The following ASCC3 variants were observed in gnomAD, a reference collection of about 807,000 sequenced individuals.
The protein encoded by ASCC3 is activating signal cointegrator 1 complex subunit 3, also known as ASC-1 complex subunit P200.
A neutral mutation model predicts 256.3 loss-of-function variants in ASCC3; 158 were observed. The observed-to-expected ratio is 0.62, with a 90% CI of 0.54 to 0.70. The LOEUF is 0.70. ASCC3 is among the 30% of genes least tolerant of loss of function. The pLI, the probability that ASCC3 is intolerant of heterozygous loss-of-function variation, is 0.00. For synonymous variants in ASCC3, 948 were observed against 883.4 expected, an observed-to-expected ratio of 1.07 and a Z score of -1.30; for missense variants, 2,259 against 2,626.0, an observed-to-expected ratio of 0.86 and a Z score of 3.05.
intron 16 of ASCC3, among the ~76,000 whole-genome samples, chr6:100,659,363 T>C (rs1166620869): frequency 6.6e-6 from 1 of 151,502 alleles, no homozygotes; most frequent in Non-Finnish European, 1.5e-5. Flanking sequence ...AGAGTTTGTT[T>C]CCTTAACAGG....
intron 4 of ASCC3, among the ~76,000 whole-genome samples, chr6:100,821,108 C>G (rs1771016982): frequency 6.6e-6 from 1 of 152,152 alleles, no homozygotes; most frequent in South Asian, 2.1e-4. Flanking sequence ...TGGCTCACTA[C>G]AGCCTGGAAT....
intron 21 of ASCC3, 62 bp from the exon 22 acceptor site, chr6:100,646,831 C>T (rs2114902897): frequency 6.6e-7 from 1 of 1,513,334 alleles, no homozygotes; most frequent in East Asian, 2.3e-5. Context: ...TATAATCTGA[C>T]TTGTAAATGG....
chr6:100,574,686 A>C (rs1000539782), intron 36 of ASCC3, among the ~76,000 whole-genome samples: 1 of 150,926 alleles, frequency 6.6e-6, no homozygotes. Flanking sequence ...AAAAGTAATT[A>C]AGAAAAAAAA....
intron 13 of ASCC3, among the ~76,000 whole-genome samples, chr6:100,695,789 T>C (rs750841826): frequency 7.2e-5 from 11 of 152,148 alleles, no homozygotes; most frequent in Admixed American, 2.0e-4. Context: ...CAGAGTTTCA[T>C]AATTTTGGAG....
At chr6:100,576,126 A>G (rs1451468246) in intron 36 of ASCC3, among the ~76,000 whole-genome samples, 1 of 152,078 alleles carries the variant, frequency 6.6e-6, no homozygotes. Context: ...TCAATGGAGC[A>G]AGACAGATGT....
intron 3 of ASCC3, chr6:100,858,337 A>G (rs2114531119): frequency 3.2e-6 from 1 of 315,716 alleles, no homozygotes; most frequent in South Asian, 1.3e-4. Flanking sequence ...ATATTATGTT[A>G]GCAAGGATTT....
intron 4 of ASCC3, among the ~76,000 whole-genome samples, chr6:100,837,883 ATTT>A (rs899094862): frequency 1.4e-4 from 21 of 152,204 alleles, no homozygotes; most frequent in Admixed American, 5.2e-4. Context: ...GGAAAAGAGG[ATTT>A]TTAATGTAAA....
intron 37 of ASCC3, chr6:100,531,048 T>C (rs528455041): frequency 6.4e-7 from 1 of 1,565,352 alleles, no homozygotes; most frequent in Non-Finnish European, 8.8e-7. Context: ...AGTACAACAG[T>C]GTAGCACTAA....
chr6:100,707,382 A>C lies in ASCC3; in HGVS notation c.2151+8080T>G, dbSNP rs561316926. On this transcript the variant is annotated intron_variant, in intron 13 of 41. Coordinates refer to ENST00000369162, the MANE Select transcript of ASCC3 (RefSeq NM_006828.4). ...ACAACAGATTAGATAAACTATAGGA[A>C]TAAAAGAAAAAAAATTAAGGGAATA... 4.5e-4 allele frequency among the ~76,000 whole-genome samples: 68 copies of C among 152,202 alleles called. 1 individual carries two copies. In the East Asian group the frequency reaches 5.4e-3, roughly 12 times the overall value.
At chr6:100,721,193 T>C (rs1200190353) in intron 11 of ASCC3, among the ~76,000 whole-genome samples, 2 of 151,684 alleles carry the variant, frequency 1.3e-5, no homozygotes, top group Non-Finnish European at 3.0e-5. Flanking sequence ...GTAAAATCCC[T>C]TGTAATCATG....
Position 100,567,055 on chromosome 6 carries a change from C to T in ASCC3, c.5550+22579G>A, listed in dbSNP as rs576761488. On this transcript the variant is annotated intron_variant, in intron 36 of 41. Coordinates refer to ENST00000369162, the MANE Select transcript of ASCC3 (RefSeq NM_006828.4). ...TATCCCCTTCTTGTTTTTTTAGTGA[C>T]TAGACAATAGGAAAATTTTTATTTA... is the stretch of plus-strand genomic sequence containing the variant. Among the ~76,000 whole-genome samples, 12 of 151,794 alleles carry T rather than the reference C, an allele frequency of 7.9e-5. No homozygotes were observed. The South Asian group carries it at 2.3e-3, about 29-fold the overall frequency.
intron 8 of ASCC3, among the ~76,000 whole-genome samples, chr6:100,797,480 A>AG (rs1484599262): frequency 8.2e-5 from 12 of 146,686 alleles, no homozygotes; most frequent in Middle Eastern, 3.5e-3. Flanking sequence ...AAAAAAATGA[A>AG]AAAAAAAAAA....
At chr6:100,596,321 A>C (rs1319172243) in intron 34 of ASCC3, among the ~76,000 whole-genome samples, 1 of 152,200 alleles carries the variant, frequency 6.6e-6, no homozygotes, top group East Asian at 1.9e-4. Context: ...ATATGTACAA[A>C]GATACAATGG....
chr6:100,820,851 G>A (rs149069036), intron 4 of ASCC3, among the ~76,000 whole-genome samples: 5 of 152,184 alleles, frequency 3.3e-5, no homozygotes, highest in African/African-American at 7.2e-5. Context: ...GACTATACAC[G>A]AATGACCAAT....
intron 1 of ASCC3, among the ~76,000 whole-genome samples, chr6:100,875,654 C>T (rs1395104595): frequency 2.0e-5 from 3 of 152,086 alleles, no homozygotes; most frequent in Non-Finnish European, 4.4e-5. Context: ...GAGTTAAGAA[C>T]AGAGTTCTAA....
At chr6:100,769,510 T>C (rs188028482) in intron 8 of ASCC3, among the ~76,000 whole-genome samples, 4 of 151,490 alleles carry the variant, frequency 2.6e-5, no homozygotes, top group Admixed American at 1.3e-4. Context: ...AATAAAACTT[T>C]TAAAAATAAT....
chr6:100,874,542 G>C (rs971557533), intron 1 of ASCC3, among the ~76,000 whole-genome samples: 7 of 147,974 alleles, frequency 4.7e-5, no homozygotes, highest in Non-Finnish European at 1.0e-4. Context: ...TATTTGAAAT[G>C]TATAAAGGTC....
chr6:100,583,672 G>A (rs1771454996), intron 36 of ASCC3, among the ~76,000 whole-genome samples: 1 of 152,200 alleles, frequency 6.6e-6, no homozygotes, highest in East Asian at 1.9e-4. Context: ...TCTTTTAATT[G>A]TGATGTTAGG....
intron 13 of ASCC3, among the ~76,000 whole-genome samples, chr6:100,705,023 T>C (rs746177802): frequency 3.3e-5 from 5 of 152,066 alleles, no homozygotes; most frequent in Non-Finnish European, 7.4e-5. Flanking sequence ...ATGATAAAGC[T>C]GTACTTGCAT....
Sources: gnomAD v4.1 joint callset for allele counts (sites outside exome capture counted in the v4.1 genomes callset) on GRCh38, gnomAD v4.1.1 for gene constraint, MANE v1.5 for transcripts, NCBI Gene and HGNC (gene_info 2026-07-23, HGNC 2026-07-21) for gene names.